The following LFNG variants were observed in gnomAD, a reference collection of about 807,000 sequenced individuals.
LFNG encodes the protein beta-1,3-N-acetylglucosaminyltransferase lunatic fringe.
A neutral mutation model predicts 32.7 loss-of-function variants in LFNG; 15 were observed. That is an observed-to-expected ratio of 0.46 (90% CI 0.31 to 0.71). The LOEUF is 0.71. Among genes scored for constraint, LFNG ranks in the 30% least tolerant of loss-of-function variants. The probability of loss-of-function intolerance (pLI) is 0.06; values close to 1 mark genes in which losing one functional copy is unlikely to be tolerated. For synonymous variants in LFNG, 274 were observed against 246.8 expected (o/e 1.11, Z -1.03); for missense variants, 520 against 545.7 (o/e 0.95, Z 0.47).
chr7:2,527,332 G>GTGCA lies in LFNG; in HGVS notation c.*122_*123insCATG, dbSNP rs1562556259. Reference sequence around the variant, plus strand: ...CCTAGGGCCGTGCCTGTGCGTGTGCGTGTGCGTGTGTGTGTGTGTGTACTG... The same window carrying GTGCA: ...CCTAGGGCCGTGCCTGTGCGTGTGCGTGCATGTGCGTGTGTGTGTGTGTGTACTG... On this transcript the variant is annotated 3_prime_UTR_variant, in exon 8 of 8. Transcript: ENST00000222725. This position sits in a 1 kb window ranked among gnomAD's most constrained non-coding sequence, Gnocchi z 4.4. 7.2e-6 allele frequency: 11 copies of GTGCA among 1,526,278 alleles called. No individual in the cohort carries two copies. Among genetic ancestry groups the GTGCA allele is most frequent in the East Asian group, 4.9e-5 (2 of 40,800 alleles). The allele number at this position is 1,526,278 out of a possible 1,614,324, so 94.5% of individuals were successfully genotyped here.
chr7:2,525,138 T>TG, intron 2 of LFNG, 81 bp from the exon 3 acceptor site: 2 of 1,254,574 alleles, frequency 1.6e-6, no homozygotes, highest in Non-Finnish European at 2.3e-6. Context: ...CTCGAGCCCC[T>TG]GGGCCCTGTG....
At chr7:2,524,661 G>A in intron 1 of LFNG, 34 bp from the exon 2 acceptor site, 2 of 1,564,168 alleles carry the variant, frequency 1.3e-6, no homozygotes, top group Non-Finnish European at 1.7e-6. Flanking sequence ...GGGGATGAAG[G>A]GCTGCCTGCT....
At chr7:2,515,930 G>A (rs772843229), upstream of LFNG, among the ~76,000 whole-genome samples, 1 of 152,216 alleles carries the variant, frequency 6.6e-6, no homozygotes, top group Admixed American at 6.5e-5. Flanking sequence ...TTGGGAGCCG[G>A]CTGTGCTGAG....
chr7:2,524,317 C>T (rs1397666721), intron 1 of LFNG, among the ~76,000 whole-genome samples: 3 of 152,200 alleles, frequency 2.0e-5, no homozygotes, highest in Non-Finnish European at 4.4e-5. Flanking sequence ...GGTGCTGTGT[C>T]AATAAGGGTG....
chr7:2,513,196 G>A (rs1239480077), upstream of LFNG: 1 of 1,613,868 alleles, frequency 6.2e-7, no homozygotes, highest in Admixed American at 1.7e-5. Context: ...GCTCAGGAAG[G>A]CTGTGGGATG....
At chr7:2,517,630 G>A (rs973562620), upstream of LFNG, 1 of 452,492 alleles carries the variant, frequency 2.2e-6, no homozygotes, top group Non-Finnish European at 4.4e-6. Context: ...ACTGTGGGGA[G>A]ATGGACTCAC....
At chr7:2,522,634 G>C (rs1165373969) in intron 1 of LFNG, among the ~76,000 whole-genome samples, 2 of 149,346 alleles carry the variant, frequency 1.3e-5, no homozygotes, top group Non-Finnish European at 3.0e-5. Flanking sequence ...GTCTTCGTCT[G>C]GAAAGTTAGG....
intron 1 of LFNG, 155 bp from the exon 2 acceptor site, chr7:2,524,540 A>C: frequency 1.4e-6 from 1 of 735,826 alleles, no homozygotes; most frequent in Non-Finnish European, 2.4e-6. Context: ...AGCCCTTCTC[A>C]GCACGAGTGG....
At chr7:2,516,907 C>T (rs1003364318), upstream of LFNG, among the ~76,000 whole-genome samples, 2 of 152,188 alleles carry the variant, frequency 1.3e-5, no homozygotes, top group African/African-American at 4.8e-5. Flanking sequence ...CGAGAAGTGG[C>T]CCCTCTGGGT....
rs1020159968 is a variant in LFNG, at chr7:2,525,856, G to A, written c.821+86G>A. 81 of 1,201,442 alleles carry A rather than the reference G, an allele frequency of 6.7e-5. 1 individual carries two copies. Among genetic ancestry groups the A allele is most frequent in the Non-Finnish European group, 8.7e-5 (72 of 831,836 alleles). 74.4% of individuals were successfully genotyped at this position (1,201,442 alleles called of 1,614,324 possible). The stretch of plus-strand genomic sequence containing the variant: ...GGCTTAGTTCATCTTCCCAGCCATG[G>A]GGTGTCCCCAGCCTCCTGTGTGGCA... On this transcript the variant is annotated intron_variant, in intron 5 of 7. Transcript: ENST00000222725.
At chr7:2,513,288 C>A, upstream of LFNG, 2 of 1,611,084 alleles carry the variant, frequency 1.2e-6, no homozygotes, top group Admixed American at 1.7e-5. Flanking sequence ...TGGAGCCCAA[C>A]ACCAGCTCTC....
In LFNG at chr7:2,525,316, G is replaced by A. The variant is rs777291068; in HGVS notation, c.579G>A (p.Arg193=). ...ATGACCGCTTCATCGAGTCCGGCAG[G>A]AAGTGAGTGTGGCCCCGGGGGACCC... is the stretch of plus-strand genomic sequence containing the variant. ...VEYDRFIESG[R]KWFCHVDDDN... Residue 193 remains arginine (R), a splice_region_variant and synonymous_variant, in exon 3 of 8, where the codon AGG becomes AGA. Coordinates refer to ENST00000222725, the MANE Select transcript of LFNG (RefSeq NM_001040167.2). The A allele has an allele frequency of 6.2e-6, 10 of 1,612,822 alleles. No individual in the cohort carries two copies. Among genetic ancestry groups the A allele is most frequent in the East Asian group, 2.2e-5 (1 of 44,894 alleles).
In LFNG at chr7:2,528,249, G is replaced by T; in HGVS notation, c.*1037G>T. On this transcript the variant is annotated 3_prime_UTR_variant, in exon 8 of 8. Transcript: ENST00000222725. ...ATCCCTGCCCTCCTCCTGTGTAGCT[G>T]CCACCTCCCCGCTGGGCCCAGCATG... 3.0e-6 allele frequency: 3 copies of T among 986,018 alleles called. No individual in the cohort carries two copies. Among genetic ancestry groups the T allele is most frequent in the Non-Finnish European group, 3.6e-6 (3 of 830,044 alleles). 61.1% of individuals were successfully genotyped at this position (986,018 alleles called of 1,614,324 possible).
At chr7:2,514,754 C>A (rs1490447940), upstream of LFNG, among the ~76,000 whole-genome samples, 1 of 151,906 alleles carries the variant, frequency 6.6e-6, no homozygotes, top group African/African-American at 2.4e-5. Flanking sequence ...ATTCATCCAT[C>A]CATGCATCCA....
At position 2,527,134 on chromosome 7, in the gene LFNG, C is replaced by T. The variant is rs575172046; in HGVS notation, c.1074-12C>T. Reference sequence around the variant, plus strand: ...CCACCCACGCAGACCAGCCCCTGCTCTGTTCCCACAGGTTCCGCTCCATCC... The same window carrying T: ...CCACCCACGCAGACCAGCCCCTGCTTTGTTCCCACAGGTTCCGCTCCATCC... On this transcript the variant is annotated splice_polypyrimidine_tract_variant and intron_variant, in intron 7 of 7. Coordinates refer to ENST00000222725, the MANE Select transcript of LFNG (RefSeq NM_001040167.2). This position sits in a 1 kb window ranked among gnomAD's most constrained non-coding sequence, Gnocchi z 4.4. The T allele has an allele frequency of 3.7e-6, 6 of 1,612,002 alleles. No individual in the cohort carries two copies. In the South Asian group the frequency reaches 6.6e-5, roughly 18 times the overall value.
chr7:2,519,370 CGCGGT>C (rs559018642), upstream of LFNG, among the ~76,000 whole-genome samples: 326 of 152,294 alleles, frequency 2.1e-3, 1 homozygote, highest in African/African-American at 7.6e-3. Context: ...GGATGTCCCC[CGCGGT>C]GCGTCGGAGC....
chr7:2,522,277 GC>G (rs1362838133), intron 1 of LFNG, among the ~76,000 whole-genome samples: 1 of 152,228 alleles, frequency 6.6e-6, no homozygotes, highest in Non-Finnish European at 1.5e-5. Flanking sequence ...CCCAGAAAGG[GC>G]ACTCCATCCG....
chr7:2,528,071 AGGGTGG>A lies in LFNG; in HGVS notation c.*869_*874del. On this transcript the variant is annotated 3_prime_UTR_variant, in exon 8 of 8. Transcript: ENST00000222725. ...AGGGTGTTCTTGTTTTTTGCTTGGG[AGGGTGG>A]GGGTGGGGGAGGGTCTTATTTTATC... 1.5e-5 allele frequency: 1 copy of A among 66,006 alleles called. No individual in the cohort carries two copies. Among genetic ancestry groups the A allele is most frequent in the Non-Finnish European group, 1.8e-5 (1 of 56,894 alleles). 4.1% of individuals were successfully genotyped at this position (66,006 alleles called of 1,614,324 possible).
chr7:2,528,766 G>A (rs578175129), downstream of LFNG: 20 of 645,512 alleles, frequency 3.1e-5, no homozygotes, highest in South Asian at 3.2e-4. Flanking sequence ...GGGGAGCCCA[G>A]CCCCTGCAGG....
Sources: allele counts gnomAD v4.1 joint callset (sites outside exome capture counted in the v4.1 genomes callset), GRCh38; gene constraint gnomAD v4.1.1; non-coding constraint Gnocchi (gnomAD v3.1); transcripts MANE v1.5; gene names NCBI Gene and HGNC (gene_info 2026-07-23, HGNC 2026-07-21).